Variants in CLASP1 observed in about 807,000 individuals in gnomAD.
The protein encoded by CLASP1 is cytoplasmic linker associated protein 1, also known as CLIP-associating protein 1.
Under a neutral mutation model 192.3 loss-of-function variants are expected in CLASP1, and 38 were observed. The ratio of observed to expected loss-of-function variants is 0.20; its 90% CI spans 0.15 to 0.26. The LOEUF is 0.26. Among genes scored for constraint, CLASP1 ranks in the 10% least tolerant of loss-of-function variants. The pLI is 1.00. For synonymous variants in CLASP1, 691 were observed against 712.8 expected (o/e 0.97, Z 0.49); for missense variants, 1,433 against 1,932.5 (o/e 0.74, Z 4.85).
chr2:121,595,270 A>G (rs941417634), intron 2 of CLASP1, among the ~76,000 whole-genome samples: 5 of 152,212 alleles, frequency 3.3e-5, no homozygotes, highest in Non-Finnish European at 7.4e-5. Context: ...CAGTGTCCCC[A>G]CTTAAAGAAT....
chr2:121,470,870 G>A (rs1481711440), intron 8 of CLASP1, among the ~76,000 whole-genome samples: 2 of 151,934 alleles, frequency 1.3e-5, no homozygotes, highest in African/African-American at 4.8e-5. Context: ...CAATCTGACA[G>A]GTGAAAAAAA....
intron 36 of CLASP1, 146 bp from the exon 38 acceptor site, chr2:121,363,446 T>C (rs377155464): frequency 7.6e-5 from 69 of 904,086 alleles, no homozygotes; most frequent in Admixed American, 1.4e-4. Context: ...CACAGTTCAC[T>C]TGAAATCAGC....
At chr2:121,582,339 AAG>A (rs1450321770) in intron 2 of CLASP1, among the ~76,000 whole-genome samples, 1 of 130,954 alleles carries the variant, frequency 7.6e-6, no homozygotes, top group Admixed American at 7.4e-5. Context: ...GAGAGAGAGA[AAG>A]AGGAGGAGAG....
intron 20 of CLASP1, 61 bp from the exon 21 acceptor site, chr2:121,427,491 T>A (rs1393171445): frequency 6.4e-7 from 1 of 1,565,636 alleles, no homozygotes. Flanking sequence ...AATAACACAA[T>A]ACAGAAGGTC....
chr2:121,427,315 G>C, intron 21 of CLASP1, 89 bp downstream of exon 21: 1 of 1,425,550 alleles, frequency 7.0e-7, no homozygotes, highest in Non-Finnish European at 9.6e-7. Context: ...ACAATAAAGA[G>C]AGAAATTAAT....
At chr2:121,538,529 T>C (rs1005805904) in intron 2 of CLASP1, among the ~76,000 whole-genome samples, 2 of 152,150 alleles carry the variant, frequency 1.3e-5, no homozygotes, top group African/African-American at 2.4e-5. Flanking sequence ...GGCTCATGCC[T>C]GTAATCCCAG....
chr2:121,487,129 A>G (rs936241441), intron 8 of CLASP1, among the ~76,000 whole-genome samples: 3 of 151,810 alleles, frequency 2.0e-5, no homozygotes, highest in African/African-American at 7.3e-5. Context: ...TTCCCCTCCT[A>G]TCTCCCACCA....
chr2:121,623,832 A>G (rs2067819046), intron 1 of CLASP1, among the ~76,000 whole-genome samples: 1 of 152,228 alleles, frequency 6.6e-6, no homozygotes, highest in African/African-American at 2.4e-5. Flanking sequence ...TGAGCAACAG[A>G]GCAAGACTCC....
chr2:121,553,760 TTTAA>T (rs1284596059), intron 2 of CLASP1, among the ~76,000 whole-genome samples: 3 of 152,156 alleles, frequency 2.0e-5, no homozygotes, highest in Admixed American at 2.0e-4. Context: ...GATTTGTATC[TTTAA>T]TTATTCATCA....
At chr2:121,620,514 T>A (rs1428914134) in intron 1 of CLASP1, among the ~76,000 whole-genome samples, 1 of 151,996 alleles carries the variant, frequency 6.6e-6, no homozygotes, top group Non-Finnish European at 1.5e-5. Context: ...CACGCCCAGC[T>A]AAATTTTGTA....
chr2:121,369,193 T>A (rs893345740), intron 34 of CLASP1, among the ~76,000 whole-genome samples: 1 of 152,214 alleles, frequency 6.6e-6, no homozygotes, highest in African/African-American at 2.4e-5. Flanking sequence ...TGCACAAACA[T>A]CTGTTCAAGT....
chr2:121,549,575 A>G (rs2057814323), intron 2 of CLASP1, among the ~76,000 whole-genome samples: 1 of 152,068 alleles, frequency 6.6e-6, no homozygotes, highest in Non-Finnish European at 1.5e-5. Flanking sequence ...GGAACTCAAC[A>G]CTAGACCAAT....
At chr2:121,396,287 G>A (rs986380063) in intron 30 of CLASP1, among the ~76,000 whole-genome samples, 2 of 152,168 alleles carry the variant, frequency 1.3e-5, no homozygotes, top group Non-Finnish European at 2.9e-5. Context: ...AAAGTAGCAC[G>A]CCAGTGGAGA....
At chr2:121,593,650 A>C (rs1473622433) in intron 2 of CLASP1, among the ~76,000 whole-genome samples, 1 of 144,822 alleles carries the variant, frequency 6.9e-6, no homozygotes, top group Non-Finnish European at 1.5e-5. Flanking sequence ...AAAAAAGGAA[A>C]CTACACAGAT....
chr2:121,478,665 C>CCCCACACACACCACA (rs2091996146), intron 8 of CLASP1, among the ~76,000 whole-genome samples: 1 of 95,540 alleles, frequency 1.0e-5, no homozygotes. Flanking sequence ...CACACACCCC[C>CCCCACACACACCACA]CACACACACC....
chr2:121,590,060 T>C (rs1184975966), intron 2 of CLASP1, among the ~76,000 whole-genome samples: 1 of 152,156 alleles, frequency 6.6e-6, no homozygotes, highest in Non-Finnish European at 1.5e-5. Context: ...TTATTTCCTC[T>C]TAAAATGTGC....
chr2:121,411,375 T>C (rs551842271), intron 23 of CLASP1, among the ~76,000 whole-genome samples: 1 of 152,360 alleles, frequency 6.6e-6, no homozygotes, highest in African/African-American at 2.4e-5. Context: ...CAATGTGTGG[T>C]AAAAGCTTAA....
chr2:121,367,676 C>A (rs553380975), exon 35 of CLASP1: 4 of 1,613,888 alleles, frequency 2.5e-6, no homozygotes, highest in Non-Finnish European at 3.4e-6. Context: ...AGTAGGGGTA[C>A]GGGTTGTAGT....
intron 1 of CLASP1, among the ~76,000 whole-genome samples, chr2:121,612,429 AGAGGAGGAGGACTTG>A: frequency 6.7e-6 from 1 of 149,498 alleles, no homozygotes; most frequent in East Asian, 2.0e-4. Context: ...AAGAATTGAA[AGAGGAGGAGGACTTG>A]GAGGAGGAGG....
Sources: allele counts gnomAD v4.1 joint callset (sites outside exome capture counted in the v4.1 genomes callset), GRCh38; gene constraint gnomAD v4.1.1; transcripts MANE v1.5; gene names NCBI Gene and HGNC (gene_info 2026-07-23, HGNC 2026-07-21).